SLC8A1: variants seen among roughly 807,000 people sequenced by gnomAD.
SLC8A1 encodes sodium/calcium exchanger 1.
SLC8A1 carries 18 observed loss-of-function variants against 68.3 expected under a neutral mutation model. The observed-to-expected ratio is 0.26, with a 90% CI of 0.18 to 0.39. SLC8A1 has a LOEUF of 0.39. Among genes scored for constraint, SLC8A1 ranks in the 10% least tolerant of loss-of-function variants. SLC8A1 has a pLI of 1.00. For synonymous variants in SLC8A1, 475 were observed against 415.5 expected (o/e 1.14, Z -1.74); for missense variants, 985 against 1,156.7 (o/e 0.85, Z 2.15).
chr2:40,148,369 C>G (rs567441936), intron 6 of SLC8A1, among the ~76,000 whole-genome samples: 17 of 152,208 alleles, frequency 1.1e-4, no homozygotes, highest in African/African-American at 3.6e-4. Flanking sequence ...GACGCTGGCT[C>G]TACAGCAATG....
At chr2:40,269,518 T>C (rs2065761641) in intron 2 of SLC8A1, among the ~76,000 whole-genome samples, 2 of 152,170 alleles carry the variant, frequency 1.3e-5, no homozygotes, top group South Asian at 2.1e-4. Context: ...AAAGATCCAT[T>C]AGTTTAGCAG....
intron 2 of SLC8A1, among the ~76,000 whole-genome samples, chr2:40,302,633 C>T (rs2071740766): frequency 6.6e-6 from 1 of 151,014 alleles, no homozygotes; most frequent in South Asian, 2.1e-4. Context: ...TCTTTATGCA[C>T]TTGTTGACTG....
chr2:40,511,359 T>C (rs2149948270), intron 1 of SLC8A1, among the ~76,000 whole-genome samples: 1 of 152,346 alleles, frequency 6.6e-6, no homozygotes, highest in African/African-American at 2.4e-5. Context: ...TTGACTTTTG[T>C]GTTTGGCAGG....
intron 3 of SLC8A1, among the ~76,000 whole-genome samples, chr2:40,176,370 T>C (rs2048467889): frequency 6.6e-6 from 1 of 152,178 alleles, no homozygotes; most frequent in Admixed American, 6.5e-5. Flanking sequence ...TCCAAGATGC[T>C]CCTCCTTGAG....
intron 1 of SLC8A1, among the ~76,000 whole-genome samples, chr2:40,488,210 C>T (rs1237807513): frequency 4.2e-5 from 6 of 143,764 alleles, no homozygotes; most frequent in African/African-American, 8.0e-5. Context: ...ACAAGGGGGA[C>T]ACCTTCTGTA....
At chr2:40,365,942 G>C (rs577719917) in intron 2 of SLC8A1, among the ~76,000 whole-genome samples, 1 of 151,336 alleles carries the variant, frequency 6.6e-6, no homozygotes, top group African/African-American at 2.4e-5. Context: ...GCTTCAATGA[G>C]CTATAATGGC....
At chr2:40,428,161 G>C (rs1697360421) in intron 2 of SLC8A1, among the ~76,000 whole-genome samples, 1 of 151,976 alleles carries the variant, frequency 6.6e-6, no homozygotes. Flanking sequence ...TTCTCAGCCT[G>C]TCTTAAGTCA....
intron 1 of SLC8A1, among the ~76,000 whole-genome samples, chr2:40,482,939 C>G (rs960946474): frequency 6.6e-6 from 1 of 150,668 alleles, no homozygotes; most frequent in South Asian, 2.1e-4. Flanking sequence ...TACAGGCGCC[C>G]GCCACCACGC....
At chr2:40,348,524 G>T (rs1029917082) in intron 2 of SLC8A1, among the ~76,000 whole-genome samples, 1 of 152,072 alleles carries the variant, frequency 6.6e-6, no homozygotes, top group South Asian at 2.1e-4. Flanking sequence ...ATAAATCTGC[G>T]CAAGAAACAT....
chr2:40,238,262 G>A (rs545905638), intron 2 of SLC8A1, among the ~76,000 whole-genome samples: 19 of 152,088 alleles, frequency 1.2e-4, no homozygotes, highest in Non-Finnish European at 2.2e-4. Context: ...GTGAGACTCC[G>A]TGGGCGTAGG....
exon 8 of SLC8A1, chr2:40,114,527 G>A (rs1350834108): frequency 6.6e-6 from 1 of 152,666 alleles, no homozygotes; most frequent in African/African-American, 2.4e-5. Context: ...GCACGTTCCT[G>A]GGAATCTAGG....
chr2:40,475,613 T>C (rs996880291), intron 1 of SLC8A1, among the ~76,000 whole-genome samples: 1 of 152,094 alleles, frequency 6.6e-6, no homozygotes, highest in Admixed American at 6.5e-5. Context: ...TATGTACATG[T>C]ACATATACAT....
At chr2:40,493,237 T>C (rs967462624) in intron 1 of SLC8A1, among the ~76,000 whole-genome samples, 24 of 151,420 alleles carry the variant, frequency 1.6e-4, no homozygotes, top group African/African-American at 5.6e-4. Flanking sequence ...CAGTAAACTA[T>C]TGGAAGAACA....
At chr2:40,264,223 G>T (rs1204623772) in intron 2 of SLC8A1, among the ~76,000 whole-genome samples, 1 of 151,068 alleles carries the variant, frequency 6.6e-6, no homozygotes, top group Non-Finnish European at 1.5e-5. Flanking sequence ...AGGATGTGGA[G>T]AAATAGGAAC....
chr2:40,415,448 G>T (rs182184905), intron 2 of SLC8A1, among the ~76,000 whole-genome samples: 7 of 150,324 alleles, frequency 4.7e-5, no homozygotes, highest in African/African-American at 1.7e-4. Flanking sequence ...AAAGAAAACT[G>T]CCAATGTGGT....
intron 3 of SLC8A1, chr2:40,177,707 G>T: frequency 8.5e-7 from 1 of 1,178,972 alleles, no homozygotes; most frequent in Non-Finnish European, 1.2e-6. Context: ...CACGGAGAGA[G>T]AAGAGTACAA....
At chr2:40,438,637 G>A (rs76427754) in intron 1 of SLC8A1, among the ~76,000 whole-genome samples, 2,445 of 152,270 alleles carry the variant, frequency 0.016, 103 homozygotes, top group South Asian at 0.11. Flanking sequence ...GGATGACAAC[G>A]GCTAGAGAAT....
intron 1 of SLC8A1, among the ~76,000 whole-genome samples, chr2:40,448,348 T>C (rs1427188624): frequency 2.0e-5 from 3 of 152,156 alleles, no homozygotes; most frequent in Admixed American, 1.3e-4. Context: ...CCGCTGCACT[T>C]AATGAGGCCC....
At chr2:40,252,879 T>C (rs1408775174) in intron 2 of SLC8A1, among the ~76,000 whole-genome samples, 4 of 109,798 alleles carry the variant, frequency 3.6e-5, no homozygotes, top group African/African-American at 1.2e-4. Context: ...CAATAATATA[T>C]ATTTTGAGCC....
Sources: gnomAD v4.1 joint callset for allele counts (sites outside exome capture counted in the v4.1 genomes callset) on GRCh38, gnomAD v4.1.1 for gene constraint, MANE v1.5 for transcripts, NCBI Gene and HGNC (gene_info 2026-07-23, HGNC 2026-07-21) for gene names.